The following MAP4K4 variants were observed in gnomAD, a reference collection of about 807,000 sequenced individuals.
MAP4K4 encodes mitogen-activated protein kinase kinase kinase kinase 4, also known as HPK/GCK-like kinase HGK.
MAP4K4 carries 38 observed loss-of-function variants against 189.6 expected under a neutral mutation model. The ratio of observed to expected loss-of-function variants is 0.20; its 90% CI spans 0.15 to 0.26. The LOEUF is 0.26. MAP4K4 is among the 10% of genes least tolerant of loss of function. The probability of loss-of-function intolerance (pLI) is 1.00; values close to 1 mark genes in which losing one functional copy is unlikely to be tolerated. For synonymous variants in MAP4K4, 610 were observed against 624.3 expected (o/e 0.98, Z 0.34); for missense variants, 1,054 against 1,726.9 (o/e 0.61, Z 6.91).
At chr2:101,835,277 A>T (rs1026192545) in intron 8 of MAP4K4, among the ~76,000 whole-genome samples, 1 of 152,178 alleles carries the variant, frequency 6.6e-6, no homozygotes, top group Non-Finnish European at 1.5e-5. Flanking sequence ...CATTGCCCAG[A>T]TGCCTTGTAA....
chr2:101,831,931 ACCCCTTGTCTG>A, intron 7 of MAP4K4, 80 bp downstream of exon 7: 1 of 1,484,248 alleles, frequency 6.7e-7, no homozygotes, highest in Non-Finnish European at 9.1e-7. Flanking sequence ...TAAATTGCAC[ACCCCTTGTCTG>A]CCTGCCTTTT....
chr2:101,885,056 T>A, intron 28 of MAP4K4, 131 bp from the exon 29 acceptor site: 1 of 469,886 alleles, frequency 2.1e-6, no homozygotes, highest in South Asian at 4.1e-5. Context: ...CTCTGAATTT[T>A]TCCCCTGCTT....
intron 12 of MAP4K4, among the ~76,000 whole-genome samples, chr2:101,854,946 A>T (rs1033006454): frequency 1.3e-5 from 2 of 152,192 alleles, no homozygotes; most frequent in Non-Finnish European, 2.9e-5. Flanking sequence ...TTTTTCATTC[A>T]TGCTAGCTAT....
intron 9 of MAP4K4, 34 bp downstream of exon 9, chr2:101,836,012 C>A (rs903735380): frequency 6.6e-7 from 1 of 1,518,026 alleles, no homozygotes; most frequent in Non-Finnish European, 9.1e-7. Flanking sequence ...TGTTCTTTTC[C>A]CTTTTTTTTA....
At chr2:101,855,894 GGCACTGACTGATCA>G in intron 12 of MAP4K4, 69 bp from the exon 13 acceptor site, 1 of 1,355,316 alleles carries the variant, frequency 7.4e-7, no homozygotes, top group Non-Finnish European at 1.0e-6. Flanking sequence ...GTGTCCACCT[GGCACTGACTGATCA>G]GCACACTATA....
At chr2:101,857,755 C>T (rs1174272925) in intron 13 of MAP4K4, among the ~76,000 whole-genome samples, 3 of 151,646 alleles carry the variant, frequency 2.0e-5, no homozygotes, top group Non-Finnish European at 2.9e-5. Context: ...GCTCAGTTTT[C>T]TTTGTAAAGT....
intron 12 of MAP4K4, among the ~76,000 whole-genome samples, chr2:101,849,942 T>G (rs2097228956): frequency 6.6e-6 from 1 of 152,162 alleles, no homozygotes; most frequent in Admixed American, 6.5e-5. Context: ...CTGATTAGTT[T>G]TCTGCTACTT....
chr2:101,875,011 A>T (rs901777899), intron 26 of MAP4K4, among the ~76,000 whole-genome samples: 2 of 152,234 alleles, frequency 1.3e-5, no homozygotes, highest in Non-Finnish European at 2.9e-5. Context: ...TATTTTGTGT[A>T]GTTATTACCA....
At chr2:101,759,530 CTCCCCATTCCA>C (rs2074900720) in intron 2 of MAP4K4, among the ~76,000 whole-genome samples, 1 of 41,122 alleles carries the variant, frequency 2.4e-5, no homozygotes, top group Admixed American at 2.1e-4. Flanking sequence ...TTCCCCTCCC[CTCCCCATTCCA>C]CTCCCCTCCC....
At position 101,836,047 on chromosome 2, in the gene MAP4K4, T is replaced by C; in HGVS notation, c.773+69T>C. The C allele has an allele frequency of 3.4e-6, 4 of 1,189,164 alleles. No individual in the cohort carries two copies. In the South Asian group the frequency reaches 5.3e-5, roughly 16 times the overall value. The allele number at this position is 1,189,164 out of a possible 1,614,324, so 73.7% of individuals were successfully genotyped here. On this transcript the variant is annotated intron_variant, in intron 9 of 32. Transcript: ENST00000324219. ...AAATTGCTTCTTTTTAGTTATACTT[T>C]CCTCTGAGATAAAATTCTGGCCCTT...
At chr2:101,864,903 T>C (rs2097770964) in intron 17 of MAP4K4, 27 bp from the exon 18 acceptor site, 9 of 1,375,394 alleles carry the variant, frequency 6.5e-6, no homozygotes, top group Admixed American at 2.4e-5. Flanking sequence ...TTTTCAATAA[T>C]TTAATTGCTA....
intron 29 of MAP4K4, 40 bp from the exon 30 acceptor site, chr2:101,887,048 T>C (rs1046891971): frequency 9.2e-6 from 12 of 1,304,132 alleles, no homozygotes; most frequent in African/African-American, 1.6e-5. Context: ...AAAAAAATGT[T>C]CTCCTTCATC....
chr2:101,862,539 A>G (rs908327964), intron 16 of MAP4K4, among the ~76,000 whole-genome samples: 3 of 152,222 alleles, frequency 2.0e-5, no homozygotes. Context: ...TAAACTTCGC[A>G]TAAATGGACA....
chr2:101,724,363 C>T (rs1016395134), intron 2 of MAP4K4, among the ~76,000 whole-genome samples: 5 of 152,116 alleles, frequency 3.3e-5, no homozygotes, highest in Admixed American at 6.6e-5. Context: ...TATCTTGAGC[C>T]AGATCGTGTC....
chr2:101,793,793 G>C (rs2093325688), intron 3 of MAP4K4, among the ~76,000 whole-genome samples: 1 of 152,156 alleles, frequency 6.6e-6, no homozygotes, highest in South Asian at 2.1e-4. Flanking sequence ...TCAGCTGTTG[G>C]CAGGCTGAAT....
At chr2:101,793,924 G>T (rs1416027377) in intron 3 of MAP4K4, among the ~76,000 whole-genome samples, 3 of 152,170 alleles carry the variant, frequency 2.0e-5, no homozygotes, top group African/African-American at 7.2e-5. Flanking sequence ...TCATCCTCGG[G>T]TGAGGTGACA....
chr2:101,828,818 T>C (rs912253475), intron 5 of MAP4K4, among the ~76,000 whole-genome samples: 1 of 152,224 alleles, frequency 6.6e-6, no homozygotes, highest in African/African-American at 2.4e-5. Context: ...TCTTGGACCA[T>C]ATTTGGAGGC....
intron 3 of MAP4K4, among the ~76,000 whole-genome samples, chr2:101,815,126 T>C (rs1159521469): frequency 6.6e-6 from 1 of 152,216 alleles, no homozygotes; most frequent in Non-Finnish European, 1.5e-5. Flanking sequence ...ACTTAAATGA[T>C]TGGATCAAAA....
At chr2:101,735,344 C>G (rs1415737938) in intron 2 of MAP4K4, among the ~76,000 whole-genome samples, 1 of 152,184 alleles carries the variant, frequency 6.6e-6, no homozygotes, top group South Asian at 2.1e-4. Context: ...TTATCTTCAT[C>G]TCTGTACTAG....
Sources: gnomAD v4.1 joint callset for allele counts (sites outside exome capture counted in the v4.1 genomes callset) on GRCh38, gnomAD v4.1.1 for gene constraint, MANE v1.5 for transcripts, NCBI Gene and HGNC (gene_info 2026-07-23, HGNC 2026-07-21) for gene names.